The following ARL6IP6 variants were observed in gnomAD, a reference collection of about 807,000 sequenced individuals.
The protein encoded by ARL6IP6 is ADP-ribosylation factor-like protein 6-interacting protein 6.
Under a neutral mutation model 21.5 loss-of-function variants are expected in ARL6IP6, and 22 were observed. The ratio of observed to expected loss-of-function variants is 1.02; its 90% CI spans 0.73 to 1.46. The LOEUF (loss-of-function observed/expected upper bound fraction) is 1.46, where lower values mean the gene tolerates loss of function less well. Among genes scored for constraint, ARL6IP6 ranks in the 40% most tolerant of loss-of-function variants. The pLI is 0.00. For synonymous variants in ARL6IP6, 164 were observed against 125.3 expected, an observed-to-expected ratio of 1.31 and a Z score of -2.06; for missense variants, 388 against 299.8, an observed-to-expected ratio of 1.29 and a Z score of -2.17.
intron 2 of ARL6IP6, among the ~76,000 whole-genome samples, chr2:152,729,334 C>CTGTGTGTGTGTGTGTGTGTG (rs10604718): frequency 1.3e-5 from 2 of 150,952 alleles, no homozygotes; most frequent in African/African-American, 4.9e-5. Flanking sequence ...CAGACTTTGT[C>CTGTGTGTGTGTGTGTGTGTG]TGTGTGTGTG....
chr2:152,748,373 G>T (rs1701157928), intron 3 of ARL6IP6, among the ~76,000 whole-genome samples: 1 of 152,124 alleles, frequency 6.6e-6, no homozygotes, highest in Non-Finnish European at 1.5e-5. Context: ...GGTGTTGCTT[G>T]TTTTTTTGTT....
intron 3 of ARL6IP6, among the ~76,000 whole-genome samples, chr2:152,757,439 TTTAA>T (rs1163688370): frequency 6.6e-6 from 1 of 152,212 alleles, no homozygotes; most frequent in Non-Finnish European, 1.5e-5. Context: ...AGACATTGTA[TTTAA>T]TTATCATTTA....
At chr2:152,756,167 A>G (rs1290281261) in intron 3 of ARL6IP6, among the ~76,000 whole-genome samples, 1 of 152,148 alleles carries the variant, frequency 6.6e-6, no homozygotes, top group Non-Finnish European at 1.5e-5. Flanking sequence ...CAAGGTCATG[A>G]AGATTTATAC....
At chr2:152,740,837 A>G (rs1335591124) in intron 3 of ARL6IP6, among the ~76,000 whole-genome samples, 2 of 152,000 alleles carry the variant, frequency 1.3e-5, no homozygotes, top group African/African-American at 2.4e-5. Flanking sequence ...AAATATTTAC[A>G]CACACACACA....
rs772811993 is a variant in ARL6IP6, at chr2:152,718,886, A to G, written c.262A>G (p.Asn88Asp). ...GTCGCCCGTTCTGCCCGATAAGCGCAATGGTATCTTTCCCGCGGCCGCGGG... is the reference window on the plus strand; with the variant it reads ...GTCGCCCGTTCTGCCCGATAAGCGCGATGGTATCTTTCCCGCGGCCGCGGG... ...NGSPVLPDKR[N>D]GIFPAAAGSR... The change falls in exon 1 of 4, where the codon AAT becomes GAT. Residue 88 changes from asparagine (N) to aspartate (D), a missense_variant. Asn to Asp is a conservative substitution (Grantham distance 23). Coordinates refer to ENST00000326446, the MANE Select transcript of ARL6IP6 (RefSeq NM_152522.7). 6.2e-6 allele frequency: 10 copies of G among 1,613,706 alleles called. No individual in the cohort carries two copies. The highest frequency in any genetic ancestry group is 7.6e-6 in the Non-Finnish European group (9 of 1,179,894).
At chr2:152,750,643 C>T (rs1701285112) in intron 3 of ARL6IP6, among the ~76,000 whole-genome samples, 1 of 376 alleles carries the variant, frequency 2.7e-3, no homozygotes, top group Non-Finnish European at 0.071. Flanking sequence ...TTTCCCTTTA[C>T]ACAATGTACC....
rs1218531656 is a variant in ARL6IP6, at chr2:152,760,107, G to T, written c.*267G>T. Reference sequence around the variant, plus strand: ...ATGTTTACCTCATCTTTTTACTTTTGTGTGTGTAGTTCTTTCAAGTTGTAG... The same window carrying T: ...ATGTTTACCTCATCTTTTTACTTTTTTGTGTGTAGTTCTTTCAAGTTGTAG... On this transcript the variant is annotated 3_prime_UTR_variant, in exon 4 of 4. Transcript: ENST00000326446. The T allele has an allele frequency of 1.5e-5, 4 of 273,698 alleles. No individual in the cohort carries two copies. Among genetic ancestry groups the T allele is most frequent in the Admixed American group, 9.9e-5 (2 of 20,278 alleles). The allele number at this position is 273,698 out of a possible 1,614,324, so 17.0% of individuals were successfully genotyped here.
intron 3 of ARL6IP6, among the ~76,000 whole-genome samples, chr2:152,749,099 T>C (rs577668697): frequency 6.6e-6 from 1 of 152,298 alleles, no homozygotes; most frequent in Admixed American, 6.5e-5. Flanking sequence ...TTTAAATGTA[T>C]TCCATTCCTG....
At chr2:152,744,478 T>A (rs921417217) in intron 3 of ARL6IP6, among the ~76,000 whole-genome samples, 2 of 152,156 alleles carry the variant, frequency 1.3e-5, no homozygotes, top group Admixed American at 6.5e-5. Flanking sequence ...ATAGGGTTCA[T>A]GGCCAAAATG....
Position 152,737,698 on chromosome 2 carries a change from A to T in ARL6IP6, c.587+2572A>T, listed in dbSNP as rs1403841785. 2.6e-5 allele frequency among the ~76,000 whole-genome samples: 4 copies of T among 152,164 alleles called. 1 individual carries two copies. The highest frequency in any genetic ancestry group is 1.3e-4 in the Admixed American group (2 of 15,284). On this transcript the variant is annotated intron_variant, in intron 3 of 3. Coordinates refer to ENST00000326446, the MANE Select transcript of ARL6IP6 (RefSeq NM_152522.7). Reference sequence around the variant, plus strand: ...TCAGATCTTGTGAAACTCACTCACTATTATGAGAACAGCAGCATGGGGGTA... The same window carrying T: ...TCAGATCTTGTGAAACTCACTCACTTTTATGAGAACAGCAGCATGGGGGTA...
In ARL6IP6 at chr2:152,718,945, G is replaced by A; in HGVS notation, c.321G>A (p.Gln107=). 1.2e-6 allele frequency: 2 copies of A among 1,613,282 alleles called. No homozygotes were observed. The highest frequency in any genetic ancestry group is 2.2e-5 in the East Asian group (1 of 44,844). Residue 107 remains glutamine (Q), a synonymous_variant, in exon 1 of 4, where the codon CAG becomes CAA. Coordinates refer to ENST00000326446, the MANE Select transcript of ARL6IP6 (RefSeq NM_152522.7). ...SRAQPRRWPV[Q]VLSILCSLLF... Reference sequence around the variant, plus strand: ...CCCAGCCTCGGCGGTGGCCGGTCCAGGTCCTCTCTATTCTCTGCTCGCTGC... The same window carrying A: ...CCCAGCCTCGGCGGTGGCCGGTCCAAGTCCTCTCTATTCTCTGCTCGCTGC...
chr2:152,739,493 T>C (rs73020883), intron 3 of ARL6IP6, among the ~76,000 whole-genome samples: 6,325 of 152,234 alleles, frequency 0.042, 278 homozygotes, highest in African/African-American at 0.11. Flanking sequence ...CTCATCTCTG[T>C]TGGAGACCAC....
intron 3 of ARL6IP6, among the ~76,000 whole-genome samples, chr2:152,737,158 T>C (rs546557710): frequency 1.3e-5 from 2 of 152,298 alleles, no homozygotes; most frequent in East Asian, 1.9e-4. Flanking sequence ...CTGCACCCTA[T>C]ATTGTAGTCA....
chr2:152,723,473 CAT>C (rs1699888692), intron 2 of ARL6IP6, among the ~76,000 whole-genome samples: 1 of 152,170 alleles, frequency 6.6e-6, no homozygotes, highest in African/African-American at 2.4e-5. Context: ...TTCCGTGACT[CAT>C]ATTTAAAATT....
Position 152,760,538 on chromosome 2 carries a change from A to T in ARL6IP6, c.*698A>T, listed in dbSNP as rs1210523959. 6.6e-6 allele frequency: 1 copy of T among 151,942 alleles called. No individual in the cohort carries two copies. The highest frequency in any genetic ancestry group is 2.4e-5 in the African/African-American group (1 of 41,384). 9.4% of individuals were successfully genotyped at this position (151,942 alleles called of 1,614,324 possible). A position where few individuals can be genotyped will look rare whatever the true frequency, so the allele number is the denominator to read the frequency against. ...GCCATTTTTACTAATTTTTGTCTTT[A>T]AAAAAAGCAAAAAAGCACATTGACC... On this transcript the variant is annotated 3_prime_UTR_variant, in exon 4 of 4. Transcript: ENST00000326446.
rs756464121 is a variant in ARL6IP6, at chr2:152,718,822, G to T, written c.198G>T (p.Glu66Asp). ...RAEFSAGAWS[E>D]PRKRSVLPPD... ...AGTTCTCGGCTGGGGCGTGGTCAGA[G>T]CCCAGAAAGCGCTCGGTGCTCCCGC... Residue 66 changes from glutamate (E) to aspartate (D), a missense_variant, in exon 1 of 4, where the codon GAG becomes GAT. Transcript: ENST00000326446. 8 of 1,609,214 alleles carry T rather than the reference G, an allele frequency of 5.0e-6. No homozygotes were observed. The African/African-American group carries it at 1.1e-4, about 21-fold the overall frequency.
At chr2:152,725,379 T>A (rs1699993887) in intron 2 of ARL6IP6, among the ~76,000 whole-genome samples, 1 of 151,942 alleles carries the variant, frequency 6.6e-6, no homozygotes, top group South Asian at 2.1e-4. Flanking sequence ...ACTTTAAGTA[T>A]TTTTTTCATC....
intron 2 of ARL6IP6, among the ~76,000 whole-genome samples, chr2:152,725,187 C>T (rs1699982435): frequency 6.6e-6 from 1 of 152,232 alleles, no homozygotes; most frequent in Non-Finnish European, 1.5e-5. Flanking sequence ...GAAATTACCA[C>T]ATTGGTCTAT....
chr2:152,754,934 TAATAA>T (rs1701508630), intron 3 of ARL6IP6, among the ~76,000 whole-genome samples: 1 of 152,118 alleles, frequency 6.6e-6, no homozygotes, highest in South Asian at 2.1e-4. Flanking sequence ...TGTTCCACTA[TAATAA>T]AATATATAAA....
Sources: gnomAD v4.1 joint callset for allele counts (sites outside exome capture counted in the v4.1 genomes callset) on GRCh38, gnomAD v4.1.1 for gene constraint, MANE v1.5 for transcripts, NCBI Gene and HGNC (gene_info 2026-07-23, HGNC 2026-07-21) for gene names.